Variants in LYZL4 observed in about 807,000 individuals in gnomAD.
The protein encoded by LYZL4 is lysozyme like 4, also known as lysozyme-like protein 4.
A neutral mutation model predicts 17.6 loss-of-function variants in LYZL4; 13 were observed. That is an observed-to-expected ratio of 0.74 (90% CI 0.48 to 1.18). The LOEUF is 1.18. Among genes scored for constraint, LYZL4 ranks in the 50% most tolerant of loss-of-function variants. The pLI is 0.00. For missense variants in LYZL4, 174 were observed against 188.2 expected (o/e 0.92, Z 0.44); for synonymous variants, 64 against 67.7 (o/e 0.95, Z 0.27).
the LYZL4 span, among the ~76,000 whole-genome samples, chr3:42,365,429 G>C: frequency 2.6e-5 from 4 of 152,062 alleles, no homozygotes; most frequent in Non-Finnish European, 4.4e-5. Flanking sequence ...AGTTATCTAG[G>C]CTGGCCTTGA....
At chr3:42,392,102 C>T (rs1698489597), downstream of LYZL4, among the ~76,000 whole-genome samples, 1 of 152,134 alleles carries the variant, frequency 6.6e-6, no homozygotes, top group South Asian at 2.1e-4. Flanking sequence ...GAACTCTTGG[C>T]CTCAAGTGAT....
At chr3:42,361,376 G>C in the LYZL4 span, among the ~76,000 whole-genome samples, 5 of 152,120 alleles carry the variant, frequency 3.3e-5, no homozygotes, top group African/African-American at 1.2e-4. Flanking sequence ...GGCTCCCAGT[G>C]TTTACTTCTG....
the LYZL4 span, among the ~76,000 whole-genome samples, chr3:42,368,624 G>A: frequency 0.8 from 122,078 of 152,010 alleles, 49,674 homozygotes; most frequent in African/African-American, 0.94. Flanking sequence ...TATCAATAAT[G>A]CTATGAGAAC....
the LYZL4 span, among the ~76,000 whole-genome samples, chr3:42,386,852 T>C: frequency 1.3e-5 from 2 of 152,172 alleles, no homozygotes; most frequent in South Asian, 4.1e-4. Flanking sequence ...TAATCTTATA[T>C]TGAAGGAATG....
downstream of LYZL4, among the ~76,000 whole-genome samples, chr3:42,396,332 C>G (rs952165633): frequency 6.6e-6 from 1 of 152,186 alleles, no homozygotes; most frequent in Non-Finnish European, 1.5e-5. Flanking sequence ...GAGCAGATAC[C>G]TGTGCTCTTG....
the LYZL4 span, among the ~76,000 whole-genome samples, chr3:42,387,537 G>C: frequency 6.6e-6 from 1 of 152,136 alleles, no homozygotes; most frequent in African/African-American, 2.4e-5. Context: ...CTCCACACCT[G>C]CCGTCCCTTG....
intron 3 of LYZL4, among the ~76,000 whole-genome samples, chr3:42,406,116 G>C (rs1272573986): frequency 3.9e-5 from 6 of 152,164 alleles, no homozygotes; most frequent in Non-Finnish European, 8.8e-5. Context: ...TCTCCTCCCA[G>C]TAACCAGTTC....
the LYZL4 span, among the ~76,000 whole-genome samples, chr3:42,361,727 C>T: frequency 6.6e-6 from 1 of 151,532 alleles, no homozygotes; most frequent in Non-Finnish European, 1.5e-5. Flanking sequence ...GAGACACTGT[C>T]TCTAAATAAA....
intron 4 of LYZL4, among the ~76,000 whole-genome samples, chr3:42,403,265 C>CT (rs5848623): frequency 0.03 from 4,273 of 144,350 alleles, 119 homozygotes; most frequent in African/African-American, 0.067. Flanking sequence ...TATTATCCAC[C>CT]TTTTTTTTTT....
intron 1 of LYZL4, among the ~76,000 whole-genome samples, chr3:42,410,158 C>T (rs1035353421): frequency 6.6e-6 from 1 of 152,210 alleles, no homozygotes; most frequent in African/African-American, 2.4e-5. Flanking sequence ...TATTTTCTCT[C>T]TCCCATACCT....
At chr3:42,369,566 G>A in the LYZL4 span, among the ~76,000 whole-genome samples, 7 of 152,156 alleles carry the variant, frequency 4.6e-5, no homozygotes, top group African/African-American at 9.7e-5. Context: ...AAGGTGCAGC[G>A]CCTAGCAGGA....
downstream of LYZL4, among the ~76,000 whole-genome samples, chr3:42,392,881 CAAGGCTGATAGGCTG>C (rs1467169955): frequency 6.6e-6 from 1 of 152,094 alleles, no homozygotes; most frequent in Non-Finnish European, 1.5e-5. Context: ...CTAGTAATGG[CAAGGCTGATAGGCTG>C]AAGTGAAGTG....
At position 42,406,963 on chromosome 3, in the gene LYZL4, G is replaced by A. The variant is rs76947105; in HGVS notation, c.175C>T (p.Pro59Ser). Residue 59 changes from proline (P) to serine (S), a missense_variant, in exon 3 of 5, where the codon CCC becomes TCC. By Grantham distance (74) the Pro-to-Ser change is moderately conservative. Transcript: ENST00000287748. ...CLAYFESKFN[P>S]MAIYENTREG... ...CGTGTGTTCTCGTAGATGGCCATGG[G>A]GTTGAACTTGCTCTCGAAGTAGGCC... is the stretch of plus-strand genomic sequence containing the variant. 6,120 of 1,614,222 alleles carry A rather than the reference G, an allele frequency of 3.8e-3. 17 individuals carry two copies. The highest frequency in any genetic ancestry group is 4.7e-3 in the Non-Finnish European group (5,493 of 1,180,040).
At chr3:42,369,880 TG>T in the LYZL4 span, among the ~76,000 whole-genome samples, 2 of 152,146 alleles carry the variant, frequency 1.3e-5, no homozygotes, top group Non-Finnish European at 2.9e-5. Context: ...TTTTATCACC[TG>T]GGTCTGAGCA....
chr3:42,396,980 T>C (rs1362185270), downstream of LYZL4: 1 of 241,614 alleles, frequency 4.1e-6, no homozygotes, highest in Non-Finnish European at 8.0e-6. Flanking sequence ...ATTTCCTTCC[T>C]TCAATTCCTC....
chr3:42,396,714 A>C (rs1014933597), downstream of LYZL4, among the ~76,000 whole-genome samples: 1 of 152,224 alleles, frequency 6.6e-6, no homozygotes, highest in African/African-American at 2.4e-5. Flanking sequence ...CTCTAATGCA[A>C]ATATGTGTTA....
the LYZL4 span, among the ~76,000 whole-genome samples, chr3:42,370,593 T>C: frequency 2.0e-5 from 3 of 152,188 alleles, no homozygotes; most frequent in African/African-American, 7.2e-5. Flanking sequence ...CCACTAAGAT[T>C]TGGGGACTAT....
chr3:42,360,779 A>T, the LYZL4 span, among the ~76,000 whole-genome samples: 1 of 149,376 alleles, frequency 6.7e-6, no homozygotes, highest in Non-Finnish European at 1.5e-5. Context: ...ATTTATATGC[A>T]GTTTTTTTTT....
downstream of LYZL4, among the ~76,000 whole-genome samples, chr3:42,396,124 G>A (rs1045668103): frequency 2.0e-5 from 3 of 152,070 alleles, no homozygotes; most frequent in African/African-American, 4.8e-5. Context: ...ATAAAATATG[G>A]TGTGTCATAT....
Sources: gnomAD v4.1 joint callset for allele counts (sites outside exome capture counted in the v4.1 genomes callset) on GRCh38, gnomAD v4.1.1 for gene constraint, MANE v1.5 for transcripts, NCBI Gene and HGNC (gene_info 2026-07-23, HGNC 2026-07-21) for gene names.